Variants in ATL1 observed in about 807,000 individuals in gnomAD.
ATL1 encodes the protein atlastin-1.
A neutral mutation model predicts 75.5 loss-of-function variants in ATL1; 31 were observed. The ratio of observed to expected loss-of-function variants is 0.41; its 90% CI spans 0.31 to 0.55. The LOEUF (loss-of-function observed/expected upper bound fraction) is 0.55. Among genes scored for constraint, ATL1 ranks in the 20% least tolerant of loss-of-function variants. The pLI is 0.27. For synonymous variants in ATL1, 226 were observed against 233.3 expected, an observed-to-expected ratio of 0.97 and a Z score of 0.28; for missense variants, 405 against 662.6, an observed-to-expected ratio of 0.61 and a Z score of 4.27.
chr14:50,579,555 G>A (rs2039037492), intron 1 of ATL1, among the ~76,000 whole-genome samples: 1 of 152,156 alleles, frequency 6.6e-6, no homozygotes. Context: ...AAAGATTGCT[G>A]AAAATTTGAT....
Position 50,632,840 on chromosome 14 carries a change from T to G in ATL1, c.*501T>G, listed in dbSNP as rs569614536. 6.4e-6 allele frequency: 1 copy of G among 156,072 alleles called. No individual in the cohort carries two copies. The highest frequency in any genetic ancestry group is 1.9e-4 in the East Asian group (1 of 5,398). 9.7% of individuals were successfully genotyped at this position (156,072 alleles called of 1,614,324 possible). On this transcript the variant is annotated 3_prime_UTR_variant, in exon 14 of 14. Transcript: ENST00000358385. ...CACATTTTAGAGTTCCTTAGTTGCT[T>G]TATCAAAAACCAGATATTGCTTTTA...
chr14:50,538,434 T>TTTA (rs2038520617), intron 1 of ATL1, among the ~76,000 whole-genome samples: 2 of 152,230 alleles, frequency 1.3e-5, no homozygotes, highest in African/African-American at 4.8e-5. Context: ...GGTTTTAAGG[T>TTTA]TTATGTGAAA....
At chr14:50,589,229 G>C (rs954672324) in intron 2 of ATL1, among the ~76,000 whole-genome samples, 4 of 138,652 alleles carry the variant, frequency 2.9e-5, no homozygotes, top group African/African-American at 1.1e-4. Context: ...GCGCAATCTT[G>C]GTTCACTGCA....
At chr14:50,575,256 T>C (rs1009681101) in intron 1 of ATL1, among the ~76,000 whole-genome samples, 6 of 151,946 alleles carry the variant, frequency 3.9e-5, no homozygotes, top group African/African-American at 1.4e-4. Context: ...TTGTGTCCAA[T>C]ATAAATAAAT....
rs751845423 is a variant in ATL1, at chr14:50,628,340, T to C, written c.1429T>C (p.Cys477Arg). The C allele has an allele frequency of 6.2e-7, 1 of 1,614,090 alleles. No homozygotes were observed. Among genetic ancestry groups the C allele is most frequent in the Non-Finnish European group, 8.5e-7 (1 of 1,180,030 alleles). Residue 477 changes from cysteine (C) to arginine (R), a missense_variant, in exon 12 of 14, where the codon TGC (cysteine) becomes CGC (arginine). Physicochemically the swap from Cys to Arg is radical, Grantham distance 180. Around this residue, in one of 5 missense-constraint regions of ATL1, gnomAD observed 163 missense variants for 244.1 expected, o/e 0.67. Coordinates refer to ENST00000358385, the MANE Select transcript of ATL1 (RefSeq NM_015915.5). ...TGGTTTGGACATCATAGCTAGCCTA[T>C]GCAATATGATAATGGGACTGACCCT... ...FIGLDIIASLCNMIMGLTLIT... is the reference protein window; with the variant it reads ...FIGLDIIASLRNMIMGLTLIT...
intron 11 of ATL1, among the ~76,000 whole-genome samples, chr14:50,623,557 T>C (rs2039488184): frequency 6.6e-6 from 1 of 151,836 alleles, no homozygotes. Flanking sequence ...TGTGGTACCC[T>C]CGCCACTACA....
intron 1 of ATL1, among the ~76,000 whole-genome samples, chr14:50,542,163 A>T (rs1000821821): frequency 6.6e-6 from 1 of 151,672 alleles, no homozygotes; most frequent in East Asian, 1.9e-4. Flanking sequence ...TAACTATGTG[A>T]CATTAACTGC....
chr14:50,632,895 T>TA lies in ATL1; in HGVS notation c.*562dup, dbSNP rs1471244964. The stretch of plus-strand genomic sequence containing the variant: ...GTTTAATAGAATATAAACCTCTTGA[T>TA]AAAAAATGCACAAAAAATCACTTTG... On this transcript the variant is annotated 3_prime_UTR_variant, in exon 14 of 14. Transcript: ENST00000358385. The TA allele has an allele frequency of 6.5e-6, 1 of 152,988 alleles. No individual in the cohort carries two copies. Among genetic ancestry groups the TA allele is most frequent in the Admixed American group, 6.5e-5 (1 of 15,426 alleles). The allele number at this position is 152,988 out of a possible 1,614,324, so 9.5% of individuals were successfully genotyped here. A position where few individuals can be genotyped will look rare whatever the true frequency, so the allele number is the denominator to read the frequency against.
At position 50,625,012 on chromosome 14, in the gene ATL1, A is replaced by G. The variant is rs1331273125; in HGVS notation, c.1119+1764A>G. 5.5e-3 allele frequency among the ~76,000 whole-genome samples: 838 copies of G among 151,064 alleles called. 3 individuals carry two copies. The highest frequency in any genetic ancestry group is 0.018 in the Middle Eastern group (5 of 280). Reference sequence around the variant, plus strand: ...TTGAACCCAGGAGGCAGAGGTTGCAATGAGCCAAGATCGCACCACTGCACT... The same window carrying G: ...TTGAACCCAGGAGGCAGAGGTTGCAGTGAGCCAAGATCGCACCACTGCACT... On this transcript the variant is annotated intron_variant, in intron 11 of 13. Transcript: ENST00000358385.
chr14:50,616,354 C>T (rs899345066), intron 8 of ATL1, among the ~76,000 whole-genome samples: 4 of 151,920 alleles, frequency 2.6e-5, no homozygotes, highest in Admixed American at 6.6e-5. Context: ...TGGAGTGCAG[C>T]GGTGTGAACA....
chr14:50,623,249 G>T lies in ATL1; in HGVS notation c.1119+1G>T. On this transcript the variant is annotated splice_donor_variant, in intron 11 of 13. Coordinates refer to ENST00000358385, the MANE Select transcript of ATL1 (RefSeq NM_015915.5). LOFTEE classifies it high-confidence loss of function. ...CACATACAACAAAAAAATGGAAGAG[G>T]TAAGAGTTAAATATTTTAAATTCTG... is the stretch of plus-strand genomic sequence containing the variant. The T allele has an allele frequency of 6.2e-7, 1 of 1,611,936 alleles. No homozygotes were observed. The highest frequency in any genetic ancestry group is 8.5e-7 in the Non-Finnish European group (1 of 1,178,274).
intron 11 of ATL1, among the ~76,000 whole-genome samples, chr14:50,624,218 G>A (rs2140235683): frequency 6.6e-6 from 1 of 152,096 alleles, no homozygotes; most frequent in African/African-American, 2.4e-5. Flanking sequence ...ATTTTATTGA[G>A]CCTCACTTTC....
chr14:50,547,459 A>C (rs981924619), intron 1 of ATL1, among the ~76,000 whole-genome samples: 1 of 152,216 alleles, frequency 6.6e-6, no homozygotes, highest in Non-Finnish European at 1.5e-5. Context: ...GTCTGAAAAT[A>C]AATCAAGGAG....
chr14:50,541,831 A>G (rs959904092), intron 1 of ATL1, among the ~76,000 whole-genome samples: 3 of 151,410 alleles, frequency 2.0e-5, no homozygotes, highest in Admixed American at 2.0e-4. Flanking sequence ...TCACGGTGAA[A>G]CCCCATCTCT....
intron 1 of ATL1, among the ~76,000 whole-genome samples, chr14:50,579,990 TAA>T (rs1420493861): frequency 6.6e-6 from 1 of 152,240 alleles, no homozygotes. Flanking sequence ...TAAAAATAAT[TAA>T]GTTATAATCT....
intron 1 of ATL1, among the ~76,000 whole-genome samples, chr14:50,546,643 T>C (rs2038636286): frequency 6.6e-6 from 1 of 152,196 alleles, no homozygotes; most frequent in Non-Finnish European, 1.5e-5. Flanking sequence ...TTAGGTAAGT[T>C]TTATATTTGC....
Position 50,595,600 on chromosome 14 carries a change from G to A in ATL1, c.598G>A (p.Ala200Thr), listed in dbSNP as rs1459900918. The A allele has an allele frequency of 6.2e-7, 1 of 1,613,498 alleles. No individual in the cohort carries two copies. The highest frequency in any genetic ancestry group is 8.5e-7 in the Non-Finnish European group (1 of 1,179,926). Reference sequence around the variant, plus strand: ...GCTTTTCACTGAGTATGGCAGACTGGCAATGGAGGAAACATTCCTGAAGCC... The same window carrying A: ...GCTTTTCACTGAGTATGGCAGACTGACAATGGAGGAAACATTCCTGAAGCC... ...LQLFTEYGRL[A>T]MEETFLKPFQ... is the part of the protein sequence containing the mutation. Residue 200 changes from alanine to threonine, a missense_variant, in exon 6 of 14, where the codon GCA becomes ACA. By Grantham distance (58) the Ala-to-Thr change is moderately conservative (BLOSUM62 0). Transcript: ENST00000358385.
chr14:50,617,037 CT>C (rs1227033888), intron 8 of ATL1, among the ~76,000 whole-genome samples: 1 of 152,174 alleles, frequency 6.6e-6, no homozygotes, highest in Non-Finnish European at 1.5e-5. Flanking sequence ...AAAAGTTGTT[CT>C]TTGATAATAG....
intron 1 of ATL1, among the ~76,000 whole-genome samples, chr14:50,550,809 A>G (rs2038693129): frequency 1.3e-5 from 2 of 152,266 alleles, no homozygotes; most frequent in Admixed American, 1.3e-4. Flanking sequence ...CTTTGGGTTA[A>G]CAATGAAATC....
Sources: gnomAD v4.1 joint callset for allele counts (sites outside exome capture counted in the v4.1 genomes callset) on GRCh38, gnomAD v4.1.1 for gene constraint, gnomAD v4.1.1 regional missense constraint, MANE v1.5 for transcripts, NCBI Gene and HGNC (gene_info 2026-07-23, HGNC 2026-07-21) for gene names.